NNMT: variants seen among roughly 807,000 people sequenced by gnomAD.
NNMT encodes the protein nicotinamide N-methyltransferase.
In NNMT, 10 loss-of-function variants were observed where a neutral mutation model predicts 11.7. That is an observed-to-expected ratio of 0.85 (90% CI 0.53 to 1.45). NNMT has a LOEUF of 1.45. Ranked by LOEUF, NNMT falls within the 40% of genes most tolerant of loss-of-function variation. The pLI is 0.00. For missense variants in NNMT, 381 were observed against 319.4 expected (o/e 1.19, Z -1.47); for synonymous variants, 143 against 133.8 (o/e 1.07, Z -0.48).
intron 2 of NNMT, among the ~76,000 whole-genome samples, chr11:114,278,451 G>C (rs1945231878): frequency 2.0e-5 from 3 of 152,200 alleles, no homozygotes; most frequent in South Asian, 2.1e-4. Context: ...GCTACATCAA[G>C]AATGTTCTCT....
intron 2 of NNMT, among the ~76,000 whole-genome samples, chr11:114,298,756 T>C (rs1323760602): frequency 6.6e-6 from 1 of 152,226 alleles, no homozygotes. Context: ...ATGGTCAAGA[T>C]CTTACACTAC....
intron 2 of NNMT, among the ~76,000 whole-genome samples, chr11:114,301,788 A>G (rs2155806): frequency 0.24 from 36,553 of 151,450 alleles, 4,685 homozygotes; most frequent in African/African-American, 0.35. Context: ...TGGTATGCCA[A>G]TGTAGGCCTT....
chr11:114,300,843 C>T (rs1488781460), intron 2 of NNMT, among the ~76,000 whole-genome samples: 2 of 152,190 alleles, frequency 1.3e-5, no homozygotes, highest in African/African-American at 4.8e-5. Context: ...AGCTACATCA[C>T]CCTTCCTATG....
intron 2 of NNMT, among the ~76,000 whole-genome samples, chr11:114,268,836 T>C (rs1319309998): frequency 6.6e-6 from 1 of 151,900 alleles, no homozygotes; most frequent in Non-Finnish European, 1.5e-5. Context: ...AATCAGAATT[T>C]GTGGGCATGC....
chr11:114,277,836 C>T (rs969034594), intron 2 of NNMT, among the ~76,000 whole-genome samples: 1 of 152,150 alleles, frequency 6.6e-6, no homozygotes, highest in Non-Finnish European at 1.5e-5. Context: ...CTCTGTAAAG[C>T]TCAGTGCTAA....
intron 2 of NNMT, among the ~76,000 whole-genome samples, chr11:114,305,243 A>G (rs1017345886): frequency 9.9e-5 from 15 of 152,170 alleles, no homozygotes; most frequent in Non-Finnish European, 2.1e-4. Flanking sequence ...GGTGGGAATC[A>G]GTTGCAGGCA....
chr11:114,277,201 C>T (rs1011674840), intron 2 of NNMT, among the ~76,000 whole-genome samples: 5 of 151,532 alleles, frequency 3.3e-5, no homozygotes, highest in South Asian at 4.2e-4. Context: ...CCAGCCTGGG[C>T]GACATAGCAA....
At chr11:114,293,918 ATG>A (rs946789004), upstream of NNMT, among the ~76,000 whole-genome samples, 1 of 152,170 alleles carries the variant, frequency 6.6e-6, no homozygotes, top group African/African-American at 2.4e-5. Flanking sequence ...GATAAAGACA[ATG>A]TGGTAATACA....
At chr11:114,269,364 C>A (rs1945151421) in intron 2 of NNMT, 1 of 152,108 alleles carries the variant, frequency 6.6e-6, no homozygotes, top group African/African-American at 2.4e-5. Context: ...GAAAATCCAA[C>A]TTCTGGGCAG....
chr11:114,308,247 T>C (rs1945510621), intron 2 of NNMT, among the ~76,000 whole-genome samples: 1 of 152,228 alleles, frequency 6.6e-6, no homozygotes, highest in Non-Finnish European at 1.5e-5. Flanking sequence ...ATTCTCACAG[T>C]GACCTCCACG....
upstream of NNMT, among the ~76,000 whole-genome samples, chr11:114,291,692 T>C (rs1045890941): frequency 3.9e-5 from 6 of 152,258 alleles, no homozygotes; most frequent in East Asian, 9.6e-4. Flanking sequence ...TCAGAGCTTT[T>C]TGATGCTTGG....
chr11:114,269,362 A>T (rs1303502733), intron 2 of NNMT: 1 of 150,300 alleles, frequency 6.7e-6, no homozygotes, highest in Non-Finnish European at 1.5e-5. Context: ...CAGAAAATCC[A>T]ACTTCTGGGC....
intron 2 of NNMT, among the ~76,000 whole-genome samples, chr11:114,301,812 C>T (rs113487154): frequency 2.0e-4 from 30 of 151,606 alleles, no homozygotes; most frequent in South Asian, 8.3e-4. Context: ...CTTGATTTTG[C>T]GGTGAACCTA....
chr11:114,283,055 C>T (rs1413260473), intron 2 of NNMT, among the ~76,000 whole-genome samples: 1 of 152,122 alleles, frequency 6.6e-6, no homozygotes, highest in African/African-American at 2.4e-5. Flanking sequence ...ATACAGGGAA[C>T]CTCATGCACT....
chr11:114,279,203 G>A (rs2135255109), intron 2 of NNMT, among the ~76,000 whole-genome samples: 3 of 152,260 alleles, frequency 2.0e-5, no homozygotes, highest in Admixed American at 2.0e-4. Flanking sequence ...ACATGTACAA[G>A]GCGTGGCTAG....
At chr11:114,272,473 C>T (rs1313571545) in intron 2 of NNMT, among the ~76,000 whole-genome samples, 8 of 152,100 alleles carry the variant, frequency 5.3e-5, no homozygotes, top group Non-Finnish European at 1.2e-4. Flanking sequence ...ACACGTTGGA[C>T]CTTCAGAGTG....
chr11:114,273,240 A>G (rs1199010503), intron 2 of NNMT, among the ~76,000 whole-genome samples: 1 of 152,218 alleles, frequency 6.6e-6, no homozygotes, highest in Non-Finnish European at 1.5e-5. Context: ...CAGGGATAAG[A>G]GGGTGAAAGC....
At chr11:114,310,543 C>T (rs1158889637) in intron 2 of NNMT, among the ~76,000 whole-genome samples, 1 of 152,248 alleles carries the variant, frequency 6.6e-6, no homozygotes. Context: ...TTGACTTTTC[C>T]TCATAACTGG....
intron 2 of NNMT, among the ~76,000 whole-genome samples, chr11:114,303,113 A>G (rs1941400): frequency 0.081 from 12,285 of 152,242 alleles, 571 homozygotes; most frequent in Middle Eastern, 0.15. Flanking sequence ...TTTTATATTT[A>G]CCCACATATC....
Sources: gnomAD v4.1 joint callset for allele counts (sites outside exome capture counted in the v4.1 genomes callset) on GRCh38, gnomAD v4.1.1 for gene constraint, MANE v1.5 for transcripts, NCBI Gene and HGNC (gene_info 2026-07-23, HGNC 2026-07-21) for gene names.